The following CD163L1 variants were observed in gnomAD, a reference collection of about 807,000 sequenced individuals.
CD163L1 encodes CD163 molecule like 1.
Under a neutral mutation model 165.4 loss-of-function variants are expected in CD163L1, and 124 were observed. The observed-to-expected ratio is 0.75, with a 90% confidence interval of 0.65 to 0.87. CD163L1 has a LOEUF of 0.87. CD163L1 is among the 40% of genes least tolerant of loss of function. The pLI is 0.00. For missense variants in CD163L1, 1,525 were observed against 1,799.9 expected, an observed-to-expected ratio of 0.85 and a Z score of 2.76; for synonymous variants, 585 against 662.2, an observed-to-expected ratio of 0.88 and a Z score of 1.79.
At chr12:7,412,768 A>T (rs780949705) in intron 4 of CD163L1, among the ~76,000 whole-genome samples, 13 of 152,078 alleles carry the variant, frequency 8.5e-5, no homozygotes, top group Non-Finnish European at 1.8e-4. Context: ...ATGAGTGAAA[A>T]TATTTTTATG....
At chr12:7,363,846 G>T (rs931899467) in intron 18 of CD163L1, among the ~76,000 whole-genome samples, 40 of 150,376 alleles carry the variant, frequency 2.7e-4, no homozygotes, top group African/African-American at 9.5e-4. Context: ...TCACTGCTGA[G>T]TTCTACCAAC....
rs376440660 is a variant in CD163L1, at chr12:7,357,547, G to T, written c.4280-61C>A. On this transcript the variant is annotated intron_variant, in intron 18 of 19. Transcript: ENST00000313599. Reference sequence around the variant, plus strand: ...AGAAAACCTCTCTGCAGAGGGAAGAGCTGTTAAGTGCAGTGTTTGATCAGC... The same window carrying T: ...AGAAAACCTCTCTGCAGAGGGAAGATCTGTTAAGTGCAGTGTTTGATCAGC... The T allele has an allele frequency of 4.4e-6, 6 of 1,375,960 alleles. No homozygotes were observed. In the African/African-American group the frequency reaches 7.1e-5, roughly 16 times the overall value. The allele number at this position is 1,375,960 out of a possible 1,614,324, so 85.2% of individuals were successfully genotyped here. A position where few individuals can be genotyped will look rare whatever the true frequency, so the allele number is the denominator to read the frequency against.
chr12:7,396,223 C>G lies in CD163L1; in HGVS notation c.1922G>C (p.Gly641Ala), dbSNP rs867207568. 2 of 1,614,168 alleles carry G rather than the reference C, an allele frequency of 1.2e-6. No homozygotes were observed. The highest frequency in any genetic ancestry group is 3.3e-5 in the Admixed American group (2 of 60,024). ...ATCATCGAGCCAAATTTTTCCATATCCTGTAGAAGCGTTTCCCAGACCCAT... is the reference window on the plus strand; with the variant it reads ...ATCATCGAGCCAAATTTTTCCATATGCTGTAGAAGCGTTTCCCAGACCCAT... ...IGMGLGNAST[G>A]YGKIWLDDVS... The change falls in exon 8 of 20, where the codon GGA becomes GCA. Residue 641 changes from glycine to alanine, a missense_variant. Transcript: ENST00000313599.
chr12:7,432,732 T>A lies in CD163L1; in HGVS notation c.450A>T (p.Glu150Asp), dbSNP rs1341715478. The change falls in exon 4 of 20, where the codon GAA (glutamate) becomes GAT (aspartate). Residue 150 changes from glutamate to aspartate, a missense_variant. By Grantham distance (45) the Glu-to-Asp change is conservative. Transcript: ENST00000313599. The surrounding 1 kb of genome is among the most constrained non-coding windows in gnomAD (Gnocchi z 4.2). ...GEDVGVNCYG[E>D]ANLGLRLVDG... ...CCACTAGCCTCAAACCCAGATTGGC[T>A]TCACCTACGAGAAAGACAAGCAGAC... 6.3e-7 allele frequency: 1 copy of A among 1,596,666 alleles called. No individual in the cohort carries two copies. The highest frequency in any genetic ancestry group is 2.2e-5 in the East Asian group (1 of 44,594).
chr12:7,384,448 C>T (rs889653583), intron 8 of CD163L1, among the ~76,000 whole-genome samples: 17 of 151,996 alleles, frequency 1.1e-4, no homozygotes, highest in Non-Finnish European at 2.2e-4. Context: ...TGAAAGATCT[C>T]CAAATTGATA....
chr12:7,381,636 T>A (rs1468633600), intron 8 of CD163L1, among the ~76,000 whole-genome samples: 2 of 152,078 alleles, frequency 1.3e-5, no homozygotes, highest in African/African-American at 4.8e-5. Flanking sequence ...TAAAAAGAAA[T>A]TTTTTTAAAT....
At chr12:7,332,271 T>C in the CD163L1 span, among the ~76,000 whole-genome samples, 1 of 152,122 alleles carries the variant, frequency 6.6e-6, no homozygotes, top group East Asian at 1.9e-4. Flanking sequence ...CTCCAAGAAA[T>C]ATGGGACTAT....
intron 4 of CD163L1, among the ~76,000 whole-genome samples, chr12:7,421,378 TTTGGAAG>T (rs1425564399): frequency 5.3e-4 from 52 of 97,956 alleles, no homozygotes; most frequent in Non-Finnish European, 7.3e-4. Flanking sequence ...TATATATACA[TTTGGAAG>T]ATATATATGT....
chr12:7,439,841 C>T (rs1012396547), intron 2 of CD163L1: 26 of 1,613,146 alleles, frequency 1.6e-5, no homozygotes, highest in Admixed American at 6.7e-5. Context: ...TCCTCACTGT[C>T]GCCAAAGGCC....
Position 7,374,635 on chromosome 12 carries a change from C to A in CD163L1, c.3216G>T (p.Val1072=), listed in dbSNP as rs781568870. 1.9e-6 allele frequency: 3 copies of A among 1,614,212 alleles called. No individual in the cohort carries two copies. The highest frequency in any genetic ancestry group is 2.5e-6 in the Non-Finnish European group (3 of 1,180,038). Residue 1072 remains valine, a synonymous_variant, in exon 13 of 20, where the codon GTG becomes GTT. Coordinates refer to ENST00000313599, the MANE Select transcript of CD163L1 (RefSeq NM_174941.6). The surrounding 1 kb of genome is among the most constrained non-coding windows in gnomAD (Gnocchi z 5.4). ...CTCCACAGCCCAGCTTTTGACACAC[C>A]ACGTGGGCATCGCTCAGGTCCCAGC... ...DDGWDLSDAH[V]VCQKLGCGVA...
the CD163L1 span, chr12:7,324,656 G>T: frequency 6.4e-7 from 1 of 1,568,918 alleles, no homozygotes; most frequent in South Asian, 1.1e-5. Flanking sequence ...CTGTCCATTT[G>T]ACCACTGTAA....
At chr12:7,363,392 C>T (rs779116715) in intron 18 of CD163L1, among the ~76,000 whole-genome samples, 41 of 151,626 alleles carry the variant, frequency 2.7e-4, no homozygotes, top group African/African-American at 9.4e-4. Context: ...AAGAACAAAC[C>T]AAACCCCAAA....
intron 1 of CD163L1, 68 bp downstream of exon 1, chr12:7,444,029 T>C: frequency 7.3e-7 from 1 of 1,366,152 alleles, no homozygotes. Context: ...ATCTGTTTGT[T>C]GTTACACATA....
Position 7,398,202 on chromosome 12 carries a change from G to A in CD163L1, c.1729+62C>T. The A allele has an allele frequency of 6.8e-7, 1 of 1,469,808 alleles. No individual in the cohort carries two copies. The highest frequency in any genetic ancestry group is 9.3e-7 in the Non-Finnish European group (1 of 1,075,932). The allele number at this position is 1,469,808 out of a possible 1,614,324, so 91.0% of individuals were successfully genotyped here. A position where few individuals can be genotyped will look rare whatever the true frequency, so the allele number is the denominator to read the frequency against. On this transcript the variant is annotated intron_variant, in intron 7 of 19. Transcript: ENST00000313599. This position sits in a 1 kb window ranked among gnomAD's most constrained non-coding sequence, Gnocchi z 4.5. ...TGTAAGCCAGTTTATAGACCCAGAA[G>A]CCCTTCCTATGAGGAATACTATTTC...
At chr12:7,425,304 C>G in intron 4 of CD163L1, among the ~76,000 whole-genome samples, 1 of 152,096 alleles carries the variant, frequency 6.6e-6, no homozygotes, top group Admixed American at 6.6e-5. Context: ...AAACTGGAAC[C>G]CTTCCTTACA....
chr12:7,320,688 A>G, the CD163L1 span: 1 of 1,561,904 alleles, frequency 6.4e-7, no homozygotes. Flanking sequence ...CCTTTGAATG[A>G]CCACTTCTGA....
At chr12:7,320,767 A>G in the CD163L1 span, 1 of 1,613,660 alleles carries the variant, frequency 6.2e-7, no homozygotes, top group South Asian at 1.1e-5. Flanking sequence ...CAGTCCTCCC[A>G]CTGTGTACCG....
chr12:7,324,221 C>G, the CD163L1 span: 1 of 1,598,200 alleles, frequency 6.3e-7, no homozygotes, highest in Non-Finnish European at 8.5e-7. Context: ...GAGTGCCATA[C>G]CCATCTCTGT....
At chr12:7,335,029 G>C in the CD163L1 span, among the ~76,000 whole-genome samples, 1 of 152,094 alleles carries the variant, frequency 6.6e-6, no homozygotes, top group Non-Finnish European at 1.5e-5. Flanking sequence ...ATGCTCATGG[G>C]TAGGAAGAAT....
Sources: allele counts gnomAD v4.1 joint callset (sites outside exome capture counted in the v4.1 genomes callset), GRCh38; gene constraint gnomAD v4.1.1; non-coding constraint Gnocchi (gnomAD v3.1); transcripts MANE v1.5; gene names NCBI Gene and HGNC (gene_info 2026-07-23, HGNC 2026-07-21).